The following BACE2 variants were observed in gnomAD, a reference collection of about 807,000 sequenced individuals.
The protein encoded by BACE2 is beta-secretase 2.
Under a neutral mutation model 46.2 loss-of-function variants are expected in BACE2, and 17 were observed. That is an observed-to-expected ratio of 0.37 (90% CI 0.25 to 0.55). The LOEUF (loss-of-function observed/expected upper bound fraction) is 0.55, where lower values mean the gene tolerates loss of function less well. Among genes scored for constraint, BACE2 ranks in the 20% least tolerant of loss-of-function variants. The pLI is 0.82. For missense variants in BACE2, 595 were observed against 698.1 expected (o/e 0.85, Z 1.66); for synonymous variants, 277 against 295.9 (o/e 0.94, Z 0.66).
At chr21:41,248,583 A>C (rs1201078962) in intron 6 of BACE2, among the ~76,000 whole-genome samples, 1 of 152,230 alleles carries the variant, frequency 6.6e-6, no homozygotes, top group Non-Finnish European at 1.5e-5. Context: ...CATCTTCAGT[A>C]GACTTCGCTT....
intron 2 of BACE2, among the ~76,000 whole-genome samples, chr21:41,234,818 A>G (rs1987069083): frequency 6.6e-6 from 1 of 152,190 alleles, no homozygotes; most frequent in Non-Finnish European, 1.5e-5. Flanking sequence ...ACCTGACTGC[A>G]TGTTACCTGG....
At chr21:41,246,143 G>A (rs1313009273) in intron 6 of BACE2, 80 bp downstream of exon 6, 1 of 1,105,248 alleles carries the variant, frequency 9.0e-7, no homozygotes, top group Non-Finnish European at 1.3e-6. Context: ...CGTGTTCTGA[G>A]CATCTCTGAA....
chr21:41,257,388 C>T, intron 8 of BACE2, 62 bp downstream of exon 8: 1 of 1,561,428 alleles, frequency 6.4e-7, no homozygotes, highest in Non-Finnish European at 8.7e-7. Context: ...AATGTGCTGA[C>T]TTGGAAGCAA....
intron 2 of BACE2, among the ~76,000 whole-genome samples, chr21:41,226,999 C>T (rs1441291393): frequency 3.3e-5 from 5 of 152,210 alleles, no homozygotes; most frequent in Admixed American, 3.3e-4. Context: ...AAGCCTTGCC[C>T]ATGCAGGCTT....
At chr21:41,215,692 G>A (rs915679994) in intron 1 of BACE2, among the ~76,000 whole-genome samples, 4 of 152,176 alleles carry the variant, frequency 2.6e-5, no homozygotes, top group African/African-American at 9.7e-5. Flanking sequence ...CGGGGACGTC[G>A]GGACCTCCAT....
intron 6 of BACE2, chr21:41,246,272 G>A (rs114515876): frequency 2.0e-5 from 6 of 295,876 alleles, no homozygotes; most frequent in African/African-American, 8.7e-5. Context: ...ATTTTGAAGG[G>A]TTTTGTTTCA....
intron 6 of BACE2, among the ~76,000 whole-genome samples, chr21:41,247,243 G>A (rs928395716): frequency 6.6e-6 from 1 of 152,208 alleles, no homozygotes; most frequent in African/African-American, 2.4e-5. Context: ...AACTGCTGCG[G>A]GAAGAGCGGC....
At chr21:41,176,322 T>C (rs1228334151) in intron 1 of BACE2, 1 of 152,192 alleles carries the variant, frequency 6.6e-6, no homozygotes. Context: ...TCGTTGCTTC[T>C]TTCCCCAAAC....
In BACE2 at chr21:41,277,690, C is replaced by T. The variant is rs1023347496; in HGVS notation, c.*2066C>T. ...TTCTTCATACAGGCATCTTCTGTTC[C>T]GTTGTATTGTGTTAGGTTTCAGAGG... On this transcript the variant is annotated 3_prime_UTR_variant, in exon 9 of 9. Transcript: ENST00000330333. The T allele has an allele frequency of 6.6e-6, 1 of 152,154 alleles. No individual in the cohort carries two copies. The highest frequency in any genetic ancestry group is 1.5e-5 in the Non-Finnish European group (1 of 68,036). 9.4% of individuals were successfully genotyped at this position (152,154 alleles called of 1,614,324 possible). A position where few individuals can be genotyped will look rare whatever the true frequency, so the allele number is the denominator to read the frequency against.
At chr21:41,256,922 G>A (rs1196405545) in intron 7 of BACE2, among the ~76,000 whole-genome samples, 2 of 152,170 alleles carry the variant, frequency 1.3e-5, no homozygotes, top group East Asian at 3.9e-4. Context: ...GTGCACCTGT[G>A]TGTAACTCCA....
At chr21:41,214,884 G>C (rs1601276494) in intron 1 of BACE2, among the ~76,000 whole-genome samples, 1 of 151,944 alleles carries the variant, frequency 6.6e-6, no homozygotes, top group African/African-American at 2.4e-5. Context: ...CAGGACAGGG[G>C]CACAGAAGCC....
At chr21:41,170,584 C>T (rs899875881) in intron 1 of BACE2, among the ~76,000 whole-genome samples, 1 of 152,172 alleles carries the variant, frequency 6.6e-6, no homozygotes, top group East Asian at 1.9e-4. Context: ...CTGTGTTGCC[C>T]TGAAATGTCT....
At chr21:41,185,833 C>A (rs1177140654) in intron 1 of BACE2, among the ~76,000 whole-genome samples, 3 of 152,336 alleles carry the variant, frequency 2.0e-5, no homozygotes, top group African/African-American at 7.2e-5. Flanking sequence ...GAACATAGAA[C>A]AACGTGACAA....
At position 41,178,786 on chromosome 21, in the gene BACE2, G is replaced by A. The variant is rs182136987; in HGVS notation, c.312+10211G>A. ...TGTCAGGGCCTTGGTCTAAGCCCTG[G>A]TATGCAACAGTCAACTAGACAGAGA... On this transcript the variant is annotated intron_variant, in intron 1 of 8. Coordinates refer to ENST00000330333, the MANE Select transcript of BACE2 (RefSeq NM_012105.5). 119 of 212,880 alleles carry A rather than the reference G, an allele frequency of 5.6e-4. 4 individuals are homozygous for A. The South Asian group carries it at 6.9e-3, about 12-fold the overall frequency. The allele number at this position is 212,880 out of a possible 1,614,324, so 13.2% of individuals were successfully genotyped here.
chr21:41,212,956 C>A (rs970381169), intron 1 of BACE2, among the ~76,000 whole-genome samples: 12 of 152,198 alleles, frequency 7.9e-5, no homozygotes, highest in Admixed American at 7.2e-4. Context: ...TAAATTAATT[C>A]TTTGCACACA....
chr21:41,275,674 C>G lies in BACE2; in HGVS notation c.*50C>G. On this transcript the variant is annotated 3_prime_UTR_variant, in exon 9 of 9. Transcript: ENST00000330333. The stretch of plus-strand genomic sequence containing the variant: ...CCATGAACTCAGCTATTAAGAAAAT[C>G]ACATTTCCAGGGCAGCAGCCGGGAT... The G allele has an allele frequency of 2.5e-6, 4 of 1,596,788 alleles. No individual in the cohort carries two copies. The highest frequency in any genetic ancestry group is 3.4e-6 in the Non-Finnish European group (4 of 1,169,536).
At chr21:41,250,571 A>G (rs961347980) in intron 6 of BACE2, among the ~76,000 whole-genome samples, 181 bp from the exon 7 acceptor site, 3 of 152,192 alleles carry the variant, frequency 2.0e-5, no homozygotes, top group East Asian at 1.9e-4. Flanking sequence ...GACAATTTTA[A>G]TCATTATTAT....
At chr21:41,242,849 T>C (rs1312387809) in intron 4 of BACE2, among the ~76,000 whole-genome samples, 2 of 152,204 alleles carry the variant, frequency 1.3e-5, no homozygotes, top group Non-Finnish European at 2.9e-5. Flanking sequence ...GAGGGCCTAA[T>C]ACCATCTGAC....
intron 1 of BACE2, chr21:41,179,536 T>G (rs776229095): frequency 1.5e-6 from 2 of 1,343,912 alleles, no homozygotes; most frequent in South Asian, 1.2e-5. Flanking sequence ...GGGTGAGGAG[T>G]GAGGGTGTCA....
Sources: allele counts gnomAD v4.1 joint callset (sites outside exome capture counted in the v4.1 genomes callset), GRCh38; gene constraint gnomAD v4.1.1; transcripts MANE v1.5; gene names NCBI Gene and HGNC (gene_info 2026-07-23, HGNC 2026-07-21).